The following ZNF484 variants were observed in gnomAD, a reference collection of about 807,000 sequenced individuals.
ZNF484 encodes zinc finger protein 484, also known as KRAB box containing C2H2 type zinc finger bA526D8.4.
A neutral mutation model predicts 12.9 loss-of-function variants in ZNF484; 11 were observed. The ratio of observed to expected loss-of-function variants is 0.85; its 90% CI spans 0.54 to 1.41. The LOEUF (loss-of-function observed/expected upper bound fraction) is 1.41. Among genes scored for constraint, ZNF484 ranks in the 40% most tolerant of loss-of-function variants. The pLI, the probability that ZNF484 is intolerant of heterozygous loss-of-function variation, is 0.00. For synonymous variants in ZNF484, 289 were observed against 334.1 expected (o/e 0.86, Z 1.47); for missense variants, 807 against 1,007.7 (o/e 0.80, Z 2.70).
chr9:92,864,209 TC>T (rs1856937628), intron 2 of ZNF484, among the ~76,000 whole-genome samples: 1 of 152,184 alleles, frequency 6.6e-6, no homozygotes, highest in South Asian at 2.1e-4. Context: ...GACTTTCTTT[TC>T]CCAGCCCACC....
In ZNF484 at chr9:92,845,298, TC is replaced by T. The variant is rs1319606381; in HGVS notation, c.*929del. ...TTTGATAGAAGAAAAGACAAAAAAG[TC>T]TATTCAAATACAGAGAATTTGAAAA... On this transcript the variant is annotated 3_prime_UTR_variant, in exon 5 of 5. Coordinates refer to ENST00000375495, the MANE Select transcript of ZNF484 (RefSeq NM_031486.4). This position sits in a 1 kb window ranked among gnomAD's most constrained non-coding sequence, Gnocchi z 4.0. 2.0e-5 allele frequency: 3 copies of T among 152,282 alleles called. No homozygotes were observed. The highest frequency in any genetic ancestry group is 4.8e-5 in the African/African-American group (2 of 41,564). 9.4% of individuals were successfully genotyped at this position (152,282 alleles called of 1,614,324 possible).
At chr9:92,872,513 G>C (rs1430418363) in intron 2 of ZNF484, among the ~76,000 whole-genome samples, 1 of 134,612 alleles carries the variant, frequency 7.4e-6, no homozygotes, top group Non-Finnish European at 1.6e-5. Flanking sequence ...AAAAAAAAAA[G>C]TTAAAGGAGA....
At position 92,846,956 on chromosome 9, in the gene ZNF484, T is replaced by G. The variant is rs770012702; in HGVS notation, c.1831A>C (p.Ser611Arg). 1.2e-6 allele frequency: 2 copies of G among 1,614,150 alleles called. No individual in the cohort carries two copies. Among genetic ancestry groups the G allele is most frequent in the Non-Finnish European group, 1.7e-6 (2 of 1,180,026 alleles). Residue 611 changes from serine (S) to arginine (R), a missense_variant, in exon 5 of 5, where the codon AGT (serine) becomes CGT (arginine). Ser to Arg is a moderately radical substitution (Grantham distance 110, BLOSUM62 -1). Coordinates refer to ENST00000375495, the MANE Select transcript of ZNF484 (RefSeq NM_031486.4). ...IHTGEKPYEC[S>R]ICGKSFTKKS... The stretch of plus-strand genomic sequence containing the variant: ...TTAGTGAAGGATTTCCCACAAATAC[T>G]GCATTCATAGGGTTTCTCTCCAGTA...
intron 2 of ZNF484, among the ~76,000 whole-genome samples, chr9:92,862,736 G>T (rs1040023322): frequency 7.2e-5 from 11 of 152,110 alleles, no homozygotes; most frequent in African/African-American, 2.7e-4. Flanking sequence ...ATAGAGAAAA[G>T]ATTATTAGAT....
chr9:92,846,297 T>C lies in ZNF484; in HGVS notation c.2490A>G (p.Val830=). 1 of 1,614,146 alleles carries C rather than the reference T, an allele frequency of 6.2e-7. No homozygotes were observed. Among genetic ancestry groups the C allele is most frequent in the East Asian group, 2.2e-5 (1 of 44,884 alleles). The change falls in exon 5 of 5, where the codon GTA becomes GTG. Residue 830 remains valine, a synonymous_variant. Coordinates refer to ENST00000375495, the MANE Select transcript of ZNF484 (RefSeq NM_031486.4). ...SMPQKSDNGE[V]ECSMPQLWCG... is the part of the protein sequence containing the mutation. ...ACCATAATTGTGGCATGGAGCACTC[T>C]ACTTCCCCATTGTCAGATTTCTGAG...
intron 1 of ZNF484, 127 bp downstream of exon 1, chr9:92,877,763 C>G: frequency 6.5e-7 from 1 of 1,533,726 alleles, no homozygotes; most frequent in Non-Finnish European, 8.7e-7. Flanking sequence ...TCAGATCCAC[C>G]ATCAGAGATC....
Position 92,872,145 on chromosome 9 carries a change from C to T in ZNF484, c.15+2870G>A, listed in dbSNP as rs184679072. 1.5e-3 allele frequency among the ~76,000 whole-genome samples: 224 copies of T among 149,338 alleles called. 2 individuals are homozygous for T. Among genetic ancestry groups the T allele is most frequent in the African/African-American group, 5.1e-3 (209 of 40,708 alleles). The stretch of plus-strand genomic sequence containing the variant: ...ACTCGGAAAGGTGAGGCAGGAGAAT[C>T]GCTGGAACCCGGAAGGCGGAGGTTG... On this transcript the variant is annotated intron_variant, in intron 2 of 4. Coordinates refer to ENST00000375495, the MANE Select transcript of ZNF484 (RefSeq NM_031486.4).
chr9:92,846,123 A>G lies in ZNF484; in HGVS notation c.*105T>C, dbSNP rs919484061. 50 of 1,181,444 alleles carry G rather than the reference A, an allele frequency of 4.2e-5. No homozygotes were observed. In the Admixed American group the frequency reaches 1.2e-3, roughly 28 times the overall value. 73.2% of individuals were successfully genotyped at this position (1,181,444 alleles called of 1,614,324 possible). ...CAGGAGCTTGACAACACCAATATCA[A>G]GTAACCAAAGATGGCCACTATACAT... On this transcript the variant is annotated 3_prime_UTR_variant, in exon 5 of 5. Coordinates refer to ENST00000375495, the MANE Select transcript of ZNF484 (RefSeq NM_031486.4).
At chr9:92,854,146 C>A (rs963580580) in intron 4 of ZNF484, among the ~76,000 whole-genome samples, 1 of 151,846 alleles carries the variant, frequency 6.6e-6, no homozygotes, top group African/African-American at 2.4e-5. Context: ...AGTTGAACAT[C>A]AAAAATGAAG....
chr9:92,846,122 A>T lies in ZNF484; in HGVS notation c.*106T>A. The T allele has an allele frequency of 8.7e-7, 1 of 1,151,492 alleles. No homozygotes were observed. The highest frequency in any genetic ancestry group is 1.6e-5 in the South Asian group (1 of 63,496). 71.3% of individuals were successfully genotyped at this position (1,151,492 alleles called of 1,614,324 possible). ...GCAGGAGCTTGACAACACCAATATC[A>T]AGTAACCAAAGATGGCCACTATACA... On this transcript the variant is annotated 3_prime_UTR_variant, in exon 5 of 5. Transcript: ENST00000375495.
intron 4 of ZNF484, among the ~76,000 whole-genome samples, chr9:92,850,951 G>A (rs1390384529): frequency 1.3e-5 from 2 of 152,082 alleles, no homozygotes; most frequent in African/African-American, 4.8e-5. Context: ...AATGCATCTG[G>A]TAGAAGACAT....
intron 2 of ZNF484, among the ~76,000 whole-genome samples, chr9:92,858,412 C>G (rs1158633633): frequency 6.6e-6 from 1 of 151,860 alleles, no homozygotes; most frequent in Non-Finnish European, 1.5e-5. Flanking sequence ...TATAACCTAT[C>G]AGAGTCTGAG....
At chr9:92,865,965 C>T (rs780637432) in intron 2 of ZNF484, among the ~76,000 whole-genome samples, 1 of 152,130 alleles carries the variant, frequency 6.6e-6, no homozygotes, top group Non-Finnish European at 1.5e-5. Flanking sequence ...TTTCGTAATG[C>T]ATTTTATATT....
In ZNF484 at chr9:92,844,771, TCA is replaced by T. The variant is rs1444925368; in HGVS notation, c.*1455_*1456del. 6.6e-6 allele frequency among the ~76,000 whole-genome samples: 1 copy of T among 151,902 alleles called. No individual in the cohort carries two copies. The highest frequency in any genetic ancestry group is 2.4e-5 in the African/African-American group (1 of 41,364). On this transcript the variant is annotated 3_prime_UTR_variant, in exon 5 of 5. Coordinates refer to ENST00000375495, the MANE Select transcript of ZNF484 (RefSeq NM_031486.4). ...GAAGAACAATTTGTCACCACCAAACTCACAGTAAAAGAAATACTAAAGGGTGT... is the reference window on the plus strand; with the variant it reads ...GAAGAACAATTTGTCACCACCAAACTCAGTAAAAGAAATACTAAAGGGTGT...
In ZNF484 at chr9:92,847,882, G is replaced by T; in HGVS notation, c.905C>A (p.Ala302Glu). 1 of 1,614,158 alleles carries T rather than the reference G, an allele frequency of 6.2e-7. No homozygotes were observed. The highest frequency in any genetic ancestry group is 8.5e-7 in the Non-Finnish European group (1 of 1,180,024). The change falls in exon 5 of 5, where the codon GCA becomes GAA. Residue 302 changes from alanine (A) to glutamate (E), a missense_variant. Ala to Glu is a moderately radical substitution (Grantham distance 107). Transcript: ENST00000375495. ...CTTCTCATATTCAGTGCATATTCCTGCATAAACCCTCTGACTGCCATCAAG... is the reference window on the plus strand; with the variant it reads ...CTTCTCATATTCAGTGCATATTCCTTCATAAACCCTCTGACTGCCATCAAG... ...SQLDGSQRVY[A>E]GICTEYEKDF...
intron 2 of ZNF484, among the ~76,000 whole-genome samples, chr9:92,868,081 C>T (rs4744150): frequency 0.41 from 62,862 of 151,810 alleles, 13,930 homozygotes; most frequent in African/African-American, 0.57. Flanking sequence ...ACAACACAAA[C>T]TTGTCACTAT....
intron 4 of ZNF484, 63 bp downstream of exon 4, chr9:92,855,748 G>A (rs1856395478): frequency 4.0e-6 from 6 of 1,511,154 alleles, no homozygotes; most frequent in Non-Finnish European, 5.5e-6. Flanking sequence ...GTTGGGCACA[G>A]CTTCTCCCAG....
chr9:92,853,167 C>T (rs1399229256), intron 4 of ZNF484, among the ~76,000 whole-genome samples: 1 of 152,148 alleles, frequency 6.6e-6, no homozygotes, highest in Non-Finnish European at 1.5e-5. Flanking sequence ...GGGATTATCA[C>T]ATACAAATAG....
rs549381874 is a variant in ZNF484 at position 92,876,608 on chromosome 9, T to C, written c.-31+1282A>G. On this transcript the variant is annotated intron_variant, in intron 1 of 4. Coordinates refer to ENST00000375495, the MANE Select transcript of ZNF484 (RefSeq NM_031486.4). Reference sequence around the variant, plus strand: ...TGTTAAAAAGTGTTTTTCTTGGAATTCGATGTTAAAAAGTGTTTTTCTTTT... The same window carrying C: ...TGTTAAAAAGTGTTTTTCTTGGAATCCGATGTTAAAAAGTGTTTTTCTTTT... 7.2e-5 allele frequency among the ~76,000 whole-genome samples: 11 copies of C among 152,300 alleles called. No homozygotes were observed. In the South Asian group the frequency reaches 2.3e-3, roughly 32 times the overall value.
Sources: gnomAD v4.1 joint callset for allele counts (sites outside exome capture counted in the v4.1 genomes callset) on GRCh38, gnomAD v4.1.1 for gene constraint, Gnocchi (gnomAD v3.1) non-coding constraint, MANE v1.5 for transcripts, NCBI Gene and HGNC (gene_info 2026-07-23, HGNC 2026-07-21) for gene names.